Variants in COL5A1 observed in about 807,000 individuals in gnomAD.
The protein encoded by COL5A1 is collagen type V alpha 1 chain.
Under a neutral mutation model 263.7 loss-of-function variants are expected in COL5A1, and 16 were observed. The observed-to-expected ratio is 0.06, with a 90% CI of 0.04 to 0.09. The LOEUF is 0.09. COL5A1 is among the 10% of genes least tolerant of loss of function. The pLI is 1.00. For missense variants in COL5A1, 2,036 were observed against 2,540.5 expected, an observed-to-expected ratio of 0.80 and a Z score of 4.27; for synonymous variants, 1,012 against 1,004.5, an observed-to-expected ratio of 1.01 and a Z score of -0.14.
chr9:134,803,986 C>T (rs538911967), intron 39 of COL5A1, among the ~76,000 whole-genome samples: 17 of 152,336 alleles, frequency 1.1e-4, no homozygotes, highest in African/African-American at 3.4e-4. Flanking sequence ...CCCAGGTTCA[C>T]TGGCCATAAC....
chr9:134,759,306 AC>A (rs1415807784), intron 18 of COL5A1, among the ~76,000 whole-genome samples: 4 of 128,436 alleles, frequency 3.1e-5, no homozygotes, highest in Admixed American at 1.6e-4. Flanking sequence ...ACACCCACAC[AC>A]CCCCACACTC....
intron 18 of COL5A1, among the ~76,000 whole-genome samples, chr9:134,760,756 CA>C (rs1836377186): frequency 7.2e-6 from 1 of 138,460 alleles, no homozygotes; most frequent in African/African-American, 2.9e-5. Flanking sequence ...ACACACACCC[CA>C]CACATACACG....
In COL5A1 at chr9:134,823,032, C is replaced by T. The variant is rs147398633; in HGVS notation, c.4643C>T (p.Ser1548Leu). ...PPGPKGAKGSSGPTGPKGEAG... is the reference protein window; with the variant it reads ...PPGPKGAKGSLGPTGPKGEAG... Reference sequence around the variant, plus strand: ...GGTCCAAAAGGTGCTAAGGGCTCCTCGGTAAGTAACATGCTGCCCAGCCAG... The same window carrying T: ...GGTCCAAAAGGTGCTAAGGGCTCCTTGGTAAGTAACATGCTGCCCAGCCAG... Residue 1548 changes from serine (S) to leucine (L), a missense_variant and splice_region_variant, in exon 60 of 66, where the codon TCG (serine) becomes TTG (leucine). This residue lies in a region of COL5A1 where 1,078 missense variants were observed against 1,521.4 expected (regional missense o/e 0.71). Transcript: ENST00000371817. 1.8e-4 allele frequency: 283 copies of T among 1,613,972 alleles called. No individual in the cohort carries two copies. Among genetic ancestry groups the T allele is most frequent in the Non-Finnish European group, 2.1e-4 (245 of 1,180,022 alleles).
Position 134,765,721 on chromosome 9 carries a change from C to T in COL5A1, c.2075C>T (p.Pro692Leu). The T allele has an allele frequency of 1.2e-6, 2 of 1,613,270 alleles. No homozygotes were observed. The highest frequency in any genetic ancestry group is 2.2e-5 in the South Asian group (2 of 90,982). ...CTTGGGCCGAAGGGGCCCCCAGGTC[C>T]TCCCGGACCTCCCGTAAGTCCCATT... is the stretch of plus-strand genomic sequence containing the variant. ...GLLGPKGPPG[P>L]PGPPGVTGMD... Residue 692 changes from proline (P) to leucine (L), a missense_variant, in exon 21 of 66, where the codon CCT (proline) becomes CTT (leucine). Physicochemically the swap from Pro to Leu is moderately conservative, Grantham distance 98. Coordinates refer to ENST00000371817, the MANE Select transcript of COL5A1 (RefSeq NM_000093.5). This position sits in a 1 kb window ranked among gnomAD's most constrained non-coding sequence, Gnocchi z 5.1.
chr9:134,679,865 T>C (rs1220712572), intron 1 of COL5A1, among the ~76,000 whole-genome samples: 1 of 151,840 alleles, frequency 6.6e-6, no homozygotes, highest in East Asian at 1.9e-4. Flanking sequence ...ATGTCCCTCT[T>C]ACAGATAATG....
intron 49 of COL5A1, among the ~76,000 whole-genome samples, 190 bp from the exon 50 acceptor site, chr9:134,814,607 C>T (rs1838667456): frequency 6.6e-6 from 1 of 152,196 alleles, no homozygotes; most frequent in African/African-American, 2.4e-5. Flanking sequence ...CTCAGGTCCC[C>T]CTCAGGGTGC....
intron 37 of COL5A1, 40 bp downstream of exon 37, chr9:134,798,501 C>G: frequency 6.3e-7 from 1 of 1,595,766 alleles, no homozygotes; most frequent in Non-Finnish European, 8.6e-7. Context: ...CTGGCTGGCT[C>G]TCTGACCACC....
rs565786199 is a variant in COL5A1 at position 134,758,827 on chromosome 9, C to T, written c.1935+531C>T. The stretch of plus-strand genomic sequence containing the variant: ...GTGTCCCGTGAGTCCCGAGCTAGTG[C>T]GGTGACCTGGGGGTCTTCCTGGCTG... On this transcript the variant is annotated intron_variant, in intron 18 of 65. Coordinates refer to ENST00000371817, the MANE Select transcript of COL5A1 (RefSeq NM_000093.5). This position sits in a 1 kb window ranked among gnomAD's most constrained non-coding sequence, Gnocchi z 4.1. Among the ~76,000 whole-genome samples the T allele has an allele frequency of 1.3e-5, 2 of 152,110 alleles. No homozygotes were observed. The highest frequency in any genetic ancestry group is 2.4e-5 in the African/African-American group (1 of 41,384).
chr9:134,805,974 A>G (rs1415354383), intron 41 of COL5A1, among the ~76,000 whole-genome samples: 1 of 152,148 alleles, frequency 6.6e-6, no homozygotes, highest in Non-Finnish European at 1.5e-5. Flanking sequence ...ACACTGTCAG[A>G]CACCAGGGGG....
chr9:134,759,871 TGC>T (rs1491308488), intron 18 of COL5A1, among the ~76,000 whole-genome samples: 11 of 50,064 alleles, frequency 2.2e-4, no homozygotes, highest in East Asian at 9.4e-4. Flanking sequence ...CACTCACACA[TGC>T]ACACACACCA....
Position 134,819,103 on chromosome 9 carries a change from T to C in COL5A1, c.4446+50T>C, listed in dbSNP as rs202198417. On this transcript the variant is annotated intron_variant, in intron 57 of 65. Coordinates refer to ENST00000371817, the MANE Select transcript of COL5A1 (RefSeq NM_000093.5). Reference sequence around the variant, plus strand: ...CAACTGTGACTCGGGGCCTTCAAATTTGTGGCCGTGGGTCTCAAACTCAAC... The same window carrying C: ...CAACTGTGACTCGGGGCCTTCAAATCTGTGGCCGTGGGTCTCAAACTCAAC... 2.0e-5 allele frequency: 32 copies of C among 1,591,502 alleles called. No homozygotes were observed. The East Asian group carries it at 6.3e-4, about 31-fold the overall frequency.
At chr9:134,685,617 TC>T (rs1833039657) in intron 1 of COL5A1, among the ~76,000 whole-genome samples, 1 of 8,846 alleles carries the variant, frequency 1.1e-4, no homozygotes, top group Admixed American at 1.1e-3. Context: ...CATCCATCCA[TC>T]CACCATCCAT....
chr9:134,814,035 C>G lies in COL5A1; in HGVS notation c.3905C>G (p.Pro1302Arg), dbSNP rs201920777. Residue 1302 changes from proline (P) to arginine (R), a missense_variant and splice_region_variant, in exon 49 of 66, where the codon CCG becomes CGG. This residue lies in a region of COL5A1 where 1,078 missense variants were observed against 1,521.4 expected (regional missense o/e 0.71). Coordinates refer to ENST00000371817, the MANE Select transcript of COL5A1 (RefSeq NM_000093.5). The part of the protein sequence containing the change: ...EPGLPGEGGP[P>R]GPKGERGEKG... ...GGCCTTCCGGGAGAAGGCGGCCCCC[C>G]GGTGAGTGAGCGGGCGCTGCGGGAG... 6.4e-6 allele frequency: 10 copies of G among 1,550,608 alleles called. No individual in the cohort carries two copies. Among genetic ancestry groups the G allele is most frequent in the East Asian group, 2.4e-5 (1 of 40,932 alleles).
chr9:134,673,316 T>G (rs1425417362), intron 1 of COL5A1, among the ~76,000 whole-genome samples: 1 of 152,174 alleles, frequency 6.6e-6, no homozygotes, highest in Non-Finnish European at 1.5e-5. Context: ...GAAAGACATA[T>G]AGACCAATGG....
At chr9:134,658,035 T>A (rs1832078796) in intron 1 of COL5A1, among the ~76,000 whole-genome samples, 2 of 151,798 alleles carry the variant, frequency 1.3e-5, no homozygotes, top group Admixed American at 6.6e-5. Context: ...GCACTCGGAG[T>A]CCTGTCGCTG....
At position 134,728,661 on chromosome 9, in the gene COL5A1, C is replaced by T. The variant is rs751472921; in HGVS notation, c.787-9C>T. ...GCTGCTTCCTCACGGGGCCGCAATT[C>T]GCTTTCAGTACACGGAAGGAGACGG... On this transcript the variant is annotated splice_polypyrimidine_tract_variant and intron_variant, in intron 5 of 65. Transcript: ENST00000371817. The T allele has an allele frequency of 1.7e-5, 27 of 1,613,804 alleles. No individual in the cohort carries two copies. The highest frequency in any genetic ancestry group is 5.0e-5 in the Admixed American group (3 of 60,004).
intron 32 of COL5A1, among the ~76,000 whole-genome samples, chr9:134,791,698 C>T (rs1446231828): frequency 6.6e-6 from 1 of 152,044 alleles, no homozygotes; most frequent in Non-Finnish European, 1.5e-5. Context: ...CCTCGGTGAA[C>T]AGATGCTGCC....
At chr9:134,768,119 G>GC (rs567619875) in intron 24 of COL5A1, among the ~76,000 whole-genome samples, 11 of 152,232 alleles carry the variant, frequency 7.2e-5, no homozygotes, top group South Asian at 4.1e-4. Context: ...GCCAGATGAT[G>GC]CCCCCCCGGG....
At chr9:134,760,086 A>G (rs1286284808) in intron 18 of COL5A1, among the ~76,000 whole-genome samples, 2 of 121,214 alleles carry the variant, frequency 1.6e-5, no homozygotes, top group Non-Finnish European at 3.5e-5. Flanking sequence ...ACACACGCAT[A>G]CACGCCCACA....
Sources: allele counts gnomAD v4.1 joint callset (sites outside exome capture counted in the v4.1 genomes callset), GRCh38; gene constraint gnomAD v4.1.1; regional missense constraint gnomAD v4.1.1; non-coding constraint Gnocchi (gnomAD v3.1); transcripts MANE v1.5; gene names NCBI Gene and HGNC (gene_info 2026-07-23, HGNC 2026-07-21).